HK2: variants seen among roughly 807,000 people sequenced by gnomAD.
HK2 encodes hexokinase 2, also known as hexokinase-2.
HK2 carries 42 observed loss-of-function variants against 92.9 expected under a neutral mutation model. That is an observed-to-expected ratio of 0.45 (90% confidence interval 0.35 to 0.58). The LOEUF is 0.58. Among genes scored for constraint, HK2 ranks in the 20% least tolerant of loss-of-function variants. The probability of loss-of-function intolerance (pLI) is 0.00; values close to 1 mark genes in which losing one functional copy is unlikely to be tolerated. For synonymous variants in HK2, 422 were observed against 468.0 expected (o/e 0.90, Z 1.27); for missense variants, 978 against 1,245.1 (o/e 0.79, Z 3.23).
intron 3 of HK2, among the ~76,000 whole-genome samples, chr2:74,870,134 G>A (rs566819648): frequency 9.9e-5 from 15 of 151,256 alleles, no homozygotes; most frequent in East Asian, 3.9e-4. Context: ...TCAGCCTCCC[G>A]AGTAGCTGGG....
intron 1 of HK2, among the ~76,000 whole-genome samples, chr2:74,846,390 CCAGATCCAGTAA>C (rs1463957419): frequency 6.6e-6 from 1 of 152,142 alleles, no homozygotes; most frequent in African/African-American, 2.4e-5. Context: ...TAACCACCAT[CCAGATCCAGTAA>C]CAGATCATTA....
At chr2:74,870,593 TACTAAAGATCATTTTG>T (rs1248060333) in intron 3 of HK2, among the ~76,000 whole-genome samples, 1 of 150,664 alleles carries the variant, frequency 6.6e-6, no homozygotes, top group Non-Finnish European at 1.5e-5. Context: ...AAACTATTTG[TACTAAAGATCATTTTG>T]ACTAGAGTGC....
intron 10 of HK2, among the ~76,000 whole-genome samples, chr2:74,881,365 G>A (rs1689386967): frequency 6.6e-6 from 1 of 152,186 alleles, no homozygotes; most frequent in Non-Finnish European, 1.5e-5. Context: ...TGTCCTGGTC[G>A]TATGGCCCCG....
intron 16 of HK2, 107 bp from the exon 17 acceptor site, chr2:74,889,138 G>A: frequency 2.2e-6 from 2 of 893,170 alleles, no homozygotes; most frequent in Non-Finnish European, 3.7e-6. Context: ...CTCCTGGAGA[G>A]CTAGACCCCC....
rs542863528 is a variant in HK2 at position 74,872,537 on chromosome 2, G to A, written c.495+118G>A. On this transcript the variant is annotated intron_variant, in intron 4 of 17. Transcript: ENST00000290573. Reference sequence around the variant, plus strand: ...AGCACTGGAGGATTGTGGAGATGAAGTTCTGCCTTTCTGGGTGACTGTGTA... The same window carrying A: ...AGCACTGGAGGATTGTGGAGATGAAATTCTGCCTTTCTGGGTGACTGTGTA... 22 of 1,159,282 alleles carry A rather than the reference G, an allele frequency of 1.9e-5. No homozygotes were observed. The South Asian group carries it at 2.5e-4, about 13-fold the overall frequency. The allele number at this position is 1,159,282 out of a possible 1,614,324, so 71.8% of individuals were successfully genotyped here. A position where few individuals can be genotyped will look rare whatever the true frequency, so the allele number is the denominator to read the frequency against.
Position 74,872,295 on chromosome 2 carries a change from C to G in HK2, c.376-5C>G. ...TGCTCACCACCCTGTGTCATGTATC[C>G]TTAGCTGTTTGACCACATTGCCGAA... On this transcript the variant is annotated splice_region_variant and splice_polypyrimidine_tract_variant and intron_variant, in intron 3 of 17. Transcript: ENST00000290573. 6.2e-7 allele frequency: 1 copy of G among 1,613,910 alleles called. No homozygotes were observed. The highest frequency in any genetic ancestry group is 8.5e-7 in the Non-Finnish European group (1 of 1,179,844).
rs1320662340 is a variant in HK2, at chr2:74,834,667, C to G, written c.63+24C>G. 12 of 1,613,420 alleles carry G rather than the reference C, an allele frequency of 7.4e-6. No homozygotes were observed. The highest frequency in any genetic ancestry group is 2.2e-5 in the East Asian group (1 of 44,848). ...AGGTAAGTCAGCGCGGGCGGGGCGG[C>G]AGGCTGGGCTCTGGCAAAGTGGTCT... On this transcript the variant is annotated intron_variant, in intron 1 of 17. Coordinates refer to ENST00000290573, the MANE Select transcript of HK2 (RefSeq NM_000189.5). This position sits in a 1 kb window ranked among gnomAD's most constrained non-coding sequence, Gnocchi z 4.2.
chr2:74,892,483 C>G lies in HK2; in HGVS notation c.*1542C>G, dbSNP rs991975153. ...TTTTATACACAACATTTATTTCAAA[C>G]TATTGGGAGGGATGAGAGTGGCTTA... is the stretch of plus-strand genomic sequence containing the variant. On this transcript the variant is annotated 3_prime_UTR_variant, in exon 18 of 18. Transcript: ENST00000290573. 1 of 151,984 alleles carries G rather than the reference C, an allele frequency of 6.6e-6. No individual in the cohort carries two copies. The highest frequency in any genetic ancestry group is 1.5e-5 in the Non-Finnish European group (1 of 68,020). The allele number at this position is 151,984 out of a possible 1,614,324, so 9.4% of individuals were successfully genotyped here.
In HK2 at chr2:74,887,925, A is replaced by C. The variant is rs916946983; in HGVS notation, c.2242A>C (p.Met748Leu). 6.2e-7 allele frequency: 1 copy of C among 1,613,898 alleles called. No individual in the cohort carries two copies. The highest frequency in any genetic ancestry group is 1.3e-5 in the African/African-American group (1 of 74,914). The change falls in exon 16 of 18, where the codon ATG becomes CTG. Residue 748 changes from methionine to leucine, a missense_variant. Met to Leu is a conservative substitution (Grantham distance 15). This residue lies in a region of HK2 where 742 missense variants were observed against 922.5 expected (regional missense o/e 0.80). Coordinates refer to ENST00000290573, the MANE Select transcript of HK2 (RefSeq NM_000189.5). ...KQRFEKMISG[M>L]YLGEIVRNIL... is the part of the protein sequence containing the mutation. The stretch of plus-strand genomic sequence containing the variant: ...CAGGTTCGAGAAAATGATCAGTGGA[A>C]TGTACCTGGGTGAGATTGTCCGTAA...
intron 1 of HK2, among the ~76,000 whole-genome samples, chr2:74,844,818 C>T (rs1050194758): frequency 3.3e-5 from 5 of 152,170 alleles, no homozygotes; most frequent in South Asian, 4.1e-4. Context: ...GAGCAAGGCC[C>T]GACACAGAGC....
chr2:74,862,095 T>C (rs1211305804), intron 2 of HK2, among the ~76,000 whole-genome samples: 3 of 152,246 alleles, frequency 2.0e-5, no homozygotes, highest in African/African-American at 7.2e-5. Flanking sequence ...CCAGGTACTG[T>C]GCTGAACGCT....
chr2:74,880,642 C>G, intron 10 of HK2, 73 bp downstream of exon 10: 2 of 1,443,762 alleles, frequency 1.4e-6, no homozygotes, highest in South Asian at 2.4e-5. Context: ...GGAGGGATCC[C>G]TTAGCATTAG....
At chr2:74,867,227 C>T (rs576470672) in intron 2 of HK2, among the ~76,000 whole-genome samples, 51 of 151,374 alleles carry the variant, frequency 3.4e-4, no homozygotes, top group Admixed American at 1.8e-3. Flanking sequence ...TTCGTAGCAA[C>T]CTGGATGGGA....
chr2:74,835,834 C>G (rs533731450), intron 1 of HK2, among the ~76,000 whole-genome samples: 1 of 152,310 alleles, frequency 6.6e-6, no homozygotes, highest in South Asian at 2.1e-4. Context: ...CTGATGGGAA[C>G]ACATTTTTGG....
At chr2:74,861,946 C>T (rs929171966) in intron 2 of HK2, among the ~76,000 whole-genome samples, 3 of 152,178 alleles carry the variant, frequency 2.0e-5, no homozygotes, top group Non-Finnish European at 4.4e-5. Context: ...TCTTCTTCAC[C>T]TCGGAATTGT....
At chr2:74,839,673 T>G (rs1573350453) in intron 1 of HK2, among the ~76,000 whole-genome samples, 1 of 152,006 alleles carries the variant, frequency 6.6e-6, no homozygotes, top group African/African-American at 2.4e-5. Flanking sequence ...TTTTTTTTTT[T>G]TGTGAGACAG....
intron 2 of HK2, among the ~76,000 whole-genome samples, chr2:74,860,239 C>T (rs367640861): frequency 9.8e-4 from 149 of 152,062 alleles, no homozygotes; most frequent in African/African-American, 3.4e-3. Context: ...AATTACTTAA[C>T]GGATGTAGTG....
In HK2 at chr2:74,888,162, T is replaced by C. The variant is rs545562876; in HGVS notation, c.2375+104T>C. The C allele has an allele frequency of 3.7e-4, 468 of 1,272,722 alleles. 3 individuals are homozygous for C. The South Asian group carries it at 5.6e-3, about 15-fold the overall frequency. 78.8% of individuals were successfully genotyped at this position (1,272,722 alleles called of 1,614,324 possible). A position where few individuals can be genotyped will look rare whatever the true frequency, so the allele number is the denominator to read the frequency against. Reference sequence around the variant, plus strand: ...ACTCAGGGCATGACTCATACAAAAGTCAGTTTAGTGGCAAACACATTCATG... The same window carrying C: ...ACTCAGGGCATGACTCATACAAAAGCCAGTTTAGTGGCAAACACATTCATG... On this transcript the variant is annotated intron_variant, in intron 16 of 17. Coordinates refer to ENST00000290573, the MANE Select transcript of HK2 (RefSeq NM_000189.5).
intron 1 of HK2, among the ~76,000 whole-genome samples, chr2:74,843,497 T>A (rs1688364534): frequency 6.6e-6 from 1 of 152,206 alleles, no homozygotes; most frequent in South Asian, 2.1e-4. Flanking sequence ...CAGATGGATC[T>A]CTAAGCATTT....
Sources: gnomAD v4.1 joint callset for allele counts (sites outside exome capture counted in the v4.1 genomes callset) on GRCh38, gnomAD v4.1.1 for gene constraint, gnomAD v4.1.1 regional missense constraint, Gnocchi (gnomAD v3.1) non-coding constraint, MANE v1.5 for transcripts, NCBI Gene and HGNC (gene_info 2026-07-23, HGNC 2026-07-21) for gene names.